Variants in FGR observed in about 807,000 individuals in gnomAD.
FGR encodes the protein FGR proto-oncogene, Src family tyrosine kinase, also known as tyrosine-protein kinase Fgr.
Under a neutral mutation model 63.2 loss-of-function variants are expected in FGR, and 26 were observed. The ratio of observed to expected loss-of-function variants is 0.41; its 90% confidence interval spans 0.30 to 0.57. The LOEUF (loss-of-function observed/expected upper bound fraction) is 0.57. Ranked by LOEUF, FGR falls within the 20% of genes least tolerant of loss-of-function variation. The probability of loss-of-function intolerance (pLI) is 0.27; values close to 1 mark genes in which losing one functional copy is unlikely to be tolerated. For synonymous variants in FGR, 286 were observed against 277.7 expected, an observed-to-expected ratio of 1.03 and a Z score of -0.30; for missense variants, 511 against 690.8, an observed-to-expected ratio of 0.74 and a Z score of 2.92.
In FGR at chr1:27,615,811, G is replaced by A; in HGVS notation, c.716C>T (p.Ala239Val). The A allele has an allele frequency of 6.3e-7, 1 of 1,597,818 alleles. No homozygotes were observed. The highest frequency in any genetic ancestry group is 8.5e-7 in the Non-Finnish European group (1 of 1,172,146). Residue 239 changes from alanine (A) to valine (V), a missense_variant, in exon 8 of 13, where the codon GCG becomes GTG. Physicochemically the swap from Ala to Val is moderately conservative, Grantham distance 64. Transcript: ENST00000374005. The surrounding 1 kb of genome is among the most constrained non-coding windows in gnomAD (Gnocchi z 7.6). Reference sequence around the variant, plus strand: ...CTGCGGCTTCATGATGGTGCAGGGCGCGATGAGCAGGTTGCACAGCCCGTC... The same window carrying A: ...CTGCGGCTTCATGATGGTGCAGGGCACGATGAGCAGGTTGCACAGCCCGTC... Reference protein sequence around the residue: ...VNDGLCNLLIAPCTIMKPQTL... With the variant: ...VNDGLCNLLIVPCTIMKPQTL...
In FGR at chr1:27,615,533, C is replaced by T; in HGVS notation, c.919G>A (p.Ala307Thr). 1 of 1,614,020 alleles carries T rather than the reference C, an allele frequency of 6.2e-7. No homozygotes were observed. The highest frequency in any genetic ancestry group is 8.5e-7 in the Non-Finnish European group (1 of 1,179,878). The change falls in exon 9 of 13, where the codon GCG becomes ACG. Residue 307 changes from alanine (A) to threonine (T), a missense_variant. Transcript: ENST00000374005. The surrounding 1 kb of genome is among the most constrained non-coding windows in gnomAD (Gnocchi z 7.6). ...TGCCGCAGCAGCTTCATGACCTGCGCCTCCTCCAGGAAGGCCTTCGGGGAC... is the reference window on the plus strand; with the variant it reads ...TGCCGCAGCAGCTTCATGACCTGCGTCTCCTCCAGGAAGGCCTTCGGGGAC... ...TMSPKAFLEE[A>T]QVMKLLRHDK...
In FGR at chr1:27,615,724, C is replaced by A; in HGVS notation, c.803G>T (p.Arg268Leu). ...ISRSSITLER[R>L]LGTGCFGDVW... Reference sequence around the variant, plus strand: ...ATCCCCGAAGCAGCCGGTGCCCAGCCGGCGCTCCAGCGTGATGGAGCTGCG... The same window carrying A: ...ATCCCCGAAGCAGCCGGTGCCCAGCAGGCGCTCCAGCGTGATGGAGCTGCG... Residue 268 changes from arginine to leucine, a missense_variant, in exon 8 of 13, where the codon CGG (arginine) becomes CTG (leucine). Physicochemically the swap from Arg to Leu is moderately radical, Grantham distance 102. Coordinates refer to ENST00000374005, the MANE Select transcript of FGR (RefSeq NM_005248.3). The surrounding 1 kb of genome is among the most constrained non-coding windows in gnomAD (Gnocchi z 7.6). 1 of 1,607,320 alleles carries A rather than the reference C, an allele frequency of 6.2e-7. No homozygotes were observed. Among genetic ancestry groups the A allele is most frequent in the African/African-American group, 1.3e-5 (1 of 74,818 alleles).
chr1:27,614,960 C>G, intron 9 of FGR, 34 bp from the exon 10 acceptor site: 1 of 1,548,160 alleles, frequency 6.5e-7, no homozygotes, highest in African/African-American at 1.4e-5. Flanking sequence ...CGGCAAAGCC[C>G]TACCCCGGGC....
At position 27,613,276 on chromosome 1, in the gene FGR, A is replaced by G; in HGVS notation, c.1324T>C (p.Trp442Arg). 6.2e-7 allele frequency: 1 copy of G among 1,614,194 alleles called. No individual in the cohort carries two copies. The highest frequency in any genetic ancestry group is 8.5e-7 in the Non-Finnish European group (1 of 1,180,030). Residue 442 changes from tryptophan to arginine, a missense_variant, in exon 12 of 13, where the codon TGG becomes CGG. Trp to Arg is a moderately radical substitution (Grantham distance 101, BLOSUM62 -3). Coordinates refer to ENST00000374005, the MANE Select transcript of FGR (RefSeq NM_005248.3). ...TCAGTGAGCAGGATCCCAAAGGACC[A>G]CACGTCTGACTTGATGGTGAATCTG... The part of the protein sequence containing the change: ...FGRFTIKSDV[W>R]SFGILLTELI...
rs988962422 is a variant in FGR at position 27,635,074 on chromosome 1, A to C, written c.-86T>G. On this transcript the variant is annotated 5_prime_UTR_variant, in exon 1 of 13. The change creates a new upstream start codon in the 5' untranslated region. Transcript: ENST00000374005. Reference sequence around the variant, plus strand: ...CGACGCTGTCGCTTACCTGGAGCCCAATTCTGCCCGGCCCCGGGGTGAGCC... The same window carrying C: ...CGACGCTGTCGCTTACCTGGAGCCCCATTCTGCCCGGCCCCGGGGTGAGCC... 2 of 152,216 alleles carry C rather than the reference A, an allele frequency of 1.3e-5. No homozygotes were observed. The highest frequency in any genetic ancestry group is 4.8e-5 in the African/African-American group (2 of 41,402). The allele number at this position is 152,216 out of a possible 1,614,324, so 9.4% of individuals were successfully genotyped here.
intron 3 of FGR, chr1:27,623,450 T>G (rs2089965844): frequency 3.3e-6 from 2 of 603,674 alleles, no homozygotes; most frequent in South Asian, 4.0e-5. Flanking sequence ...CTTTGTCACT[T>G]GCATCTGTCA....
rs2089808259 is a variant in FGR, at chr1:27,616,173, A to C, written c.683-329T>G. On this transcript the variant is annotated intron_variant, in intron 7 of 12. Coordinates refer to ENST00000374005, the MANE Select transcript of FGR (RefSeq NM_005248.3). The surrounding 1 kb of genome is among the most constrained non-coding windows in gnomAD (Gnocchi z 4.3). ...TGGAAATGGGGTTGGGATTCCAGGC[A>C]AAGGTGTGGACATGAGGCCCACGGT... Among the ~76,000 whole-genome samples the C allele has an allele frequency of 1.3e-5, 2 of 152,170 alleles. No homozygotes were observed. The highest frequency in any genetic ancestry group is 2.9e-5 in the Non-Finnish European group (2 of 68,022).
intron 2 of FGR, 22 bp from the exon 3 acceptor site, chr1:27,623,951 A>G (rs1451536858): frequency 1.3e-6 from 2 of 1,544,818 alleles, no homozygotes; most frequent in African/African-American, 2.7e-5. Flanking sequence ...GGCATGCCTC[A>G]CTCAAGGACC....
At chr1:27,619,422 C>T (rs886677135) in intron 5 of FGR, among the ~76,000 whole-genome samples, 3 of 152,178 alleles carry the variant, frequency 2.0e-5, no homozygotes, top group Non-Finnish European at 2.9e-5. Context: ...AACTCCTGAC[C>T]TCATGTGATC....
At chr1:27,631,399 T>C (rs940995240) in intron 1 of FGR, among the ~76,000 whole-genome samples, 1 of 152,158 alleles carries the variant, frequency 6.6e-6, no homozygotes, top group Non-Finnish European at 1.5e-5. Context: ...CCCAAAGCTA[T>C]GCCAGTTCTT....
intron 12 of FGR, 28 bp downstream of exon 12, chr1:27,613,191 C>T (rs371240674): frequency 3.1e-6 from 5 of 1,611,250 alleles, no homozygotes; most frequent in Non-Finnish European, 4.2e-6. Context: ...CCATCCCCCA[C>T]CCCAGCCCTA....
intron 5 of FGR, among the ~76,000 whole-genome samples, chr1:27,621,024 GAAA>G (rs2089914031): frequency 1.0e-5 from 1 of 96,700 alleles, no homozygotes; most frequent in Non-Finnish European, 2.2e-5. Flanking sequence ...AAAAAAGAAA[GAAA>G]GAAAGAAAAG....
chr1:27,629,336 G>C (rs1345223601), intron 1 of FGR, among the ~76,000 whole-genome samples: 1 of 152,156 alleles, frequency 6.6e-6, no homozygotes, highest in East Asian at 1.9e-4. Flanking sequence ...GGGTGGAAGA[G>C]ACACACAGAA....
chr1:27,613,379 T>C, intron 11 of FGR, 29 bp from the exon 12 acceptor site: 1 of 1,610,436 alleles, frequency 6.2e-7, no homozygotes, highest in Non-Finnish European at 8.5e-7. Context: ...CAGGGAAAGT[T>C]AGTGAGGGGG....
chr1:27,626,937 C>A (rs1486444710), intron 1 of FGR, among the ~76,000 whole-genome samples: 1 of 152,028 alleles, frequency 6.6e-6, no homozygotes, highest in Non-Finnish European at 1.5e-5. Flanking sequence ...TAGGCCGAGG[C>A]AGGATGATTG....
At chr1:27,620,991 C>CAAAAAAAAAAAAAAAAA (rs59265327) in intron 5 of FGR, among the ~76,000 whole-genome samples, 34 of 22,004 alleles carry the variant, frequency 1.5e-3, no homozygotes, top group East Asian at 3.1e-3. Context: ...GACCCTGTCT[C>CAAAAAAAAAAAAAAAAA]AAAAAAAAAA....
At chr1:27,630,265 G>A (rs571182692) in intron 1 of FGR, among the ~76,000 whole-genome samples, 12 of 152,198 alleles carry the variant, frequency 7.9e-5, no homozygotes, top group South Asian at 4.1e-4. Flanking sequence ...GTGTTAGCCC[G>A]GATGGTCTCG....
At position 27,617,231 on chromosome 1, in the gene FGR, T is replaced by G; in HGVS notation, c.494A>C (p.Gln165Pro). 3 of 1,614,120 alleles carry G rather than the reference T, an allele frequency of 1.9e-6. No homozygotes were observed. The highest frequency in any genetic ancestry group is 2.5e-6 in the Non-Finnish European group (3 of 1,179,974). Residue 165 changes from glutamine (Q) to proline (P), a missense_variant, in exon 6 of 13, where the codon CAG becomes CCG. Physicochemically the swap from Gln to Pro is moderately conservative, Grantham distance 76 (BLOSUM62 -1). Transcript: ENST00000374005. The surrounding 1 kb of genome is among the most constrained non-coding windows in gnomAD (Gnocchi z 4.5). ...ERQLLSPGNPQGAFLIRESET... is the reference protein window; with the variant it reads ...ERQLLSPGNPPGAFLIRESET... The stretch of plus-strand genomic sequence containing the variant: ...GCTTTCCCGAATGAGAAAGGCCCCC[T>G]GGGGGTTGCCTGGTGAAAGCAGCTG...
chr1:27,612,202 C>G lies in FGR; in HGVS notation c.*712G>C, dbSNP rs141448068. ...TGCTTGGTAGGCATTAGGGCCCTCT[C>G]CAGCTTCCCCTGCTGCTGCCTGTAG... On this transcript the variant is annotated 3_prime_UTR_variant, in exon 13 of 13. Coordinates refer to ENST00000374005, the MANE Select transcript of FGR (RefSeq NM_005248.3). 1.5e-3 allele frequency: 229 copies of G among 152,322 alleles called. No individual in the cohort carries two copies. The highest frequency in any genetic ancestry group is 5.1e-3 in the African/African-American group (214 of 41,556). The allele number at this position is 152,322 out of a possible 1,614,324, so 9.4% of individuals were successfully genotyped here. A position where few individuals can be genotyped will look rare whatever the true frequency, so the allele number is the denominator to read the frequency against.
Sources: allele counts gnomAD v4.1 joint callset (sites outside exome capture counted in the v4.1 genomes callset), GRCh38; gene constraint gnomAD v4.1.1; non-coding constraint Gnocchi (gnomAD v3.1); transcripts MANE v1.5; gene names NCBI Gene and HGNC (gene_info 2026-07-23, HGNC 2026-07-21).